The following NKAIN3 variants were observed in gnomAD, a reference collection of about 807,000 sequenced individuals.
The protein encoded by NKAIN3 is sodium/potassium-transporting ATPase subunit beta-1-interacting protein 3.
In NKAIN3, 25 loss-of-function variants were observed where a neutral mutation model predicts 30.2. The observed-to-expected ratio is 0.83, with a 90% CI of 0.60 to 1.16. The LOEUF is 1.16. Among genes scored for constraint, NKAIN3 ranks in the 50% most tolerant of loss-of-function variants. The probability of loss-of-function intolerance (pLI) is 0.00; values close to 1 mark genes in which losing one functional copy is unlikely to be tolerated. For synonymous variants in NKAIN3, 91 were observed against 89.6 expected (o/e 1.02, Z -0.09); for missense variants, 225 against 254.1 (o/e 0.89, Z 0.78).
intron 5 of NKAIN3, among the ~76,000 whole-genome samples, chr8:62,996,202 G>A (rs1434620397): frequency 6.6e-6 from 1 of 150,440 alleles, no homozygotes. Context: ...GCATGACTGG[G>A]GAGGCCTCAG....
intron 1 of NKAIN3, among the ~76,000 whole-genome samples, chr8:62,283,415 A>C (rs1813268942): frequency 6.6e-6 from 1 of 152,164 alleles, no homozygotes; most frequent in Non-Finnish European, 1.5e-5. Context: ...GATAACAAGC[A>C]AATTACACAA....
At chr8:62,352,622 C>A (rs994527191) in intron 1 of NKAIN3, among the ~76,000 whole-genome samples, 2 of 152,116 alleles carry the variant, frequency 1.3e-5, no homozygotes, top group Admixed American at 1.3e-4. Flanking sequence ...AGATAACTGG[C>A]ATTTGATCTA....
chr8:62,814,904 A>T (rs999572364), intron 4 of NKAIN3, among the ~76,000 whole-genome samples: 1 of 152,128 alleles, frequency 6.6e-6, no homozygotes, highest in Non-Finnish European at 1.5e-5. Flanking sequence ...AAGGAAATAG[A>T]GACACAAAAA....
intron 4 of NKAIN3, among the ~76,000 whole-genome samples, chr8:62,862,213 T>C (rs1367578740): frequency 2.6e-5 from 4 of 152,156 alleles, no homozygotes; most frequent in Non-Finnish European, 4.4e-5. Context: ...CGATTCATCA[T>C]GTTGACATAG....
intron 1 of NKAIN3, among the ~76,000 whole-genome samples, chr8:62,440,857 A>G (rs1327463829): frequency 6.6e-6 from 1 of 152,178 alleles, no homozygotes; most frequent in Non-Finnish European, 1.5e-5. Flanking sequence ...TATTCAGTGC[A>G]GGGTGATGAA....
chr8:62,803,440 A>G (rs1438195469), intron 4 of NKAIN3, among the ~76,000 whole-genome samples: 1 of 152,252 alleles, frequency 6.6e-6, no homozygotes, highest in African/African-American at 2.4e-5. Context: ...CAATCAAACT[A>G]GAACTCAGGA....
chr8:62,433,943 A>G (rs940545252), intron 1 of NKAIN3, among the ~76,000 whole-genome samples: 1 of 152,046 alleles, frequency 6.6e-6, no homozygotes, highest in Non-Finnish European at 1.5e-5. Flanking sequence ...CAGTCCATCC[A>G]TCCACCATAT....
chr8:62,316,533 G>T (rs1339096591), intron 1 of NKAIN3, among the ~76,000 whole-genome samples: 1 of 151,912 alleles, frequency 6.6e-6, no homozygotes, highest in Non-Finnish European at 1.5e-5. Context: ...GTGGGGTTTG[G>T]TTTTTTGTCC....
At chr8:62,835,114 G>A (rs1028836938) in intron 4 of NKAIN3, among the ~76,000 whole-genome samples, 2 of 152,092 alleles carry the variant, frequency 1.3e-5, no homozygotes, top group African/African-American at 4.8e-5. Flanking sequence ...GGAATCACTG[G>A]CTAGCCACAT....
intron 3 of NKAIN3, among the ~76,000 whole-genome samples, chr8:62,653,302 A>G (rs559101900): frequency 6.6e-6 from 1 of 152,298 alleles, no homozygotes; most frequent in South Asian, 2.1e-4. Context: ...AGAGAGAACC[A>G]GAGCAAGCTC....
At chr8:62,959,434 GT>G (rs1186558978) in intron 6 of NKAIN3, among the ~76,000 whole-genome samples, 3 of 8,818 alleles carry the variant, frequency 3.4e-4, no homozygotes, top group Middle Eastern at 0.056. Context: ...ACAAATCAGG[GT>G]GTGTGTGTGT....
At chr8:62,462,843 AC>A (rs1806038371) in intron 1 of NKAIN3, among the ~76,000 whole-genome samples, 1 of 152,184 alleles carries the variant, frequency 6.6e-6, no homozygotes, top group Admixed American at 6.5e-5. Flanking sequence ...CTAGGCAGCA[AC>A]CGGCCTCTTT....
At chr8:62,591,882 A>G (rs1810665259) in intron 3 of NKAIN3, among the ~76,000 whole-genome samples, 1 of 151,958 alleles carries the variant, frequency 6.6e-6, no homozygotes, top group Non-Finnish European at 1.5e-5. Flanking sequence ...GACAAACACA[A>G]ATACCAGCCA....
At chr8:62,882,114 G>C (rs960374320) in intron 4 of NKAIN3, among the ~76,000 whole-genome samples, 1 of 152,048 alleles carries the variant, frequency 6.6e-6, no homozygotes, top group Non-Finnish European at 1.5e-5. Flanking sequence ...TCTTATAGCT[G>C]AGTTTTAAGA....
intron 3 of NKAIN3, among the ~76,000 whole-genome samples, chr8:62,688,891 A>C (rs1813876385): frequency 6.6e-6 from 1 of 152,122 alleles, no homozygotes; most frequent in South Asian, 2.1e-4. Flanking sequence ...TTCCTATTAC[A>C]ATGTGGAATG....
intron 4 of NKAIN3, among the ~76,000 whole-genome samples, chr8:62,811,058 C>T (rs1035895838): frequency 3.3e-5 from 5 of 152,024 alleles, no homozygotes; most frequent in Non-Finnish European, 7.4e-5. Context: ...CCTTTCCTTC[C>T]CAACCCCACC....
At chr8:62,633,225 AT>A (rs1812023569) in intron 3 of NKAIN3, among the ~76,000 whole-genome samples, 1 of 152,192 alleles carries the variant, frequency 6.6e-6, no homozygotes, top group South Asian at 2.1e-4. Context: ...GAACATTATC[AT>A]TTTAGAATAT....
intron 4 of NKAIN3, among the ~76,000 whole-genome samples, chr8:62,788,283 G>A (rs1483025728): frequency 6.6e-6 from 1 of 152,168 alleles, no homozygotes; most frequent in Non-Finnish European, 1.5e-5. Flanking sequence ...TTCCTCTGAT[G>A]GGCAGTGATG....
chr8:62,912,474 C>G (rs1359647384), intron 4 of NKAIN3, among the ~76,000 whole-genome samples: 1 of 152,142 alleles, frequency 6.6e-6, no homozygotes, highest in Non-Finnish European at 1.5e-5. Context: ...TTTAAAGAAC[C>G]TTTTGACTCT....
Sources: allele counts gnomAD v4.1 joint callset (sites outside exome capture counted in the v4.1 genomes callset), GRCh38; gene constraint gnomAD v4.1.1; transcripts MANE v1.5; gene names NCBI Gene and HGNC (gene_info 2026-07-23, HGNC 2026-07-21).